ZNF143: variants seen among roughly 807,000 people sequenced by gnomAD.
ZNF143 encodes SPH-binding factor.
A neutral mutation model predicts 74.1 loss-of-function variants in ZNF143; 49 were observed. That is an observed-to-expected ratio of 0.66 (90% CI 0.53 to 0.84). The LOEUF is 0.84. Ranked by LOEUF, ZNF143 falls within the 40% of genes least tolerant of loss-of-function variation. The probability of loss-of-function intolerance (pLI) is 0.00; values close to 1 mark genes in which losing one functional copy is unlikely to be tolerated. For synonymous variants in ZNF143, 304 were observed against 282.8 expected (o/e 1.07, Z -0.75); for missense variants, 637 against 793.4 (o/e 0.80, Z 2.37).
In ZNF143 at chr11:9,516,233, T is replaced by C; in HGVS notation, c.1557T>C (p.Ile519=). 1 of 1,614,108 alleles carries C rather than the reference T, an allele frequency of 6.2e-7. No homozygotes were observed. Among genetic ancestry groups the C allele is most frequent in the East Asian group, 2.2e-5 (1 of 44,880 alleles). ...TATCTCAAGCTGACATGCAGGCCAT[T>C]GGCAACACCATCACAATGGTAACGC... is the stretch of plus-strand genomic sequence containing the variant. ...VNISQADMQA[I]GNTITMVTQD... is the part of the protein sequence containing the mutation. The change falls in exon 14 of 16, where the codon ATT becomes ATC. Residue 519 remains isoleucine (I), a synonymous_variant. Coordinates refer to ENST00000396602, the MANE Select transcript of ZNF143 (RefSeq NM_003442.6).
chr11:9,516,180 G>A (rs1390655495), intron 13 of ZNF143, 21 bp from the exon 14 acceptor site: 1 of 1,611,502 alleles, frequency 6.2e-7, no homozygotes, highest in Non-Finnish European at 8.5e-7. Flanking sequence ...TGACTGCTTT[G>A]TAAAATTCAC....
chr11:9,486,423 T>TATATA (rs1565039289), intron 7 of ZNF143, among the ~76,000 whole-genome samples: 2 of 38,082 alleles, frequency 5.3e-5, no homozygotes, highest in African/African-American at 1.8e-4. Context: ...ATATATATTA[T>TATATA]ATATATTATA....
rs1848466853 is a variant in ZNF143, at chr11:9,509,447, T to C, written c.1375+601T>C. On this transcript the variant is annotated intron_variant, in intron 12 of 15. Transcript: ENST00000396602. ...TTGTTTCAGTAAACCCTTGGAAAAA[T>C]ATTTTAGAGAATTACATTGAATTAT... Among the ~76,000 whole-genome samples the C allele has an allele frequency of 2.6e-5, 4 of 152,286 alleles. No individual in the cohort carries two copies. In the South Asian group the frequency reaches 8.3e-4, roughly 32 times the overall value.
At chr11:9,524,433 A>G (rs1177446480) in intron 14 of ZNF143, among the ~76,000 whole-genome samples, 1 of 152,194 alleles carries the variant, frequency 6.6e-6, no homozygotes, top group East Asian at 1.9e-4. Context: ...TGTTTTTCTT[A>G]TAGAATTAGG....
intron 7 of ZNF143, among the ~76,000 whole-genome samples, chr11:9,482,580 A>G (rs1847289353): frequency 6.6e-6 from 1 of 151,164 alleles, no homozygotes; most frequent in African/African-American, 2.5e-5. Context: ...AAAAAATCCC[A>G]TTACTCTTTA....
chr11:9,516,603 G>A lies in ZNF143; in HGVS notation c.1686+241G>A, dbSNP rs529316278. ...TGAGATAATGTATATAAGGTACTCA[G>A]CCCACATATATATTAAGTGTTCAGT... On this transcript the variant is annotated intron_variant, in intron 14 of 15. Coordinates refer to ENST00000396602, the MANE Select transcript of ZNF143 (RefSeq NM_003442.6). Among the ~76,000 whole-genome samples, 5 of 152,124 alleles carry A rather than the reference G, an allele frequency of 3.3e-5. No individual in the cohort carries two copies. The East Asian group carries it at 9.7e-4, about 29-fold the overall frequency.
chr11:9,504,062 C>T (rs1256093052), intron 11 of ZNF143, among the ~76,000 whole-genome samples: 1 of 141,868 alleles, frequency 7.0e-6, no homozygotes, highest in Non-Finnish European at 1.5e-5. Context: ...CACGTTCAAG[C>T]AATTCTTCTG....
At chr11:9,507,400 T>C (rs1438075371) in intron 11 of ZNF143, among the ~76,000 whole-genome samples, 1 of 152,196 alleles carries the variant, frequency 6.6e-6, no homozygotes, top group Non-Finnish European at 1.5e-5. Flanking sequence ...CCAGCAGCAT[T>C]TGAAATATTT....
intron 15 of ZNF143, among the ~76,000 whole-genome samples, chr11:9,526,937 C>T (rs945966897): frequency 1.3e-5 from 2 of 152,160 alleles, no homozygotes; most frequent in Non-Finnish European, 2.9e-5. Flanking sequence ...CCATTCTCCT[C>T]CCTCAGCCTC....
At chr11:9,511,687 C>A (rs1383330940) in intron 12 of ZNF143, among the ~76,000 whole-genome samples, 1 of 151,892 alleles carries the variant, frequency 6.6e-6, no homozygotes, top group South Asian at 2.1e-4. Context: ...ATCTGCCCAC[C>A]TTGGCTTCCC....
chr11:9,485,931 C>T (rs1847455725), intron 7 of ZNF143, among the ~76,000 whole-genome samples: 1 of 151,280 alleles, frequency 6.6e-6, no homozygotes, highest in African/African-American at 2.5e-5. Flanking sequence ...CTCAACCCTA[C>T]TGAGTCTCTC....
At chr11:9,469,209 A>AG in intron 1 of ZNF143, among the ~76,000 whole-genome samples, 1 of 135,102 alleles carries the variant, frequency 7.4e-6, no homozygotes, top group Non-Finnish European at 1.5e-5. Context: ...TATTCTCAGC[A>AG]GGGGTCTTTT....
At chr11:9,471,071 A>G (rs986154261) in intron 1 of ZNF143, 16 of 257,114 alleles carry the variant, frequency 6.2e-5, no homozygotes, top group Non-Finnish European at 9.5e-5. Flanking sequence ...GTGTACTTCT[A>G]AGTTGCTAAG....
At chr11:9,509,546 C>A (rs1250945334) in intron 12 of ZNF143, among the ~76,000 whole-genome samples, 1 of 152,166 alleles carries the variant, frequency 6.6e-6, no homozygotes, top group East Asian at 1.9e-4. Flanking sequence ...AGCAAGTTGT[C>A]TTACAGTTTC....
chr11:9,511,390 A>G (rs1369248919), intron 12 of ZNF143, among the ~76,000 whole-genome samples: 6 of 148,894 alleles, frequency 4.0e-5, no homozygotes, highest in Non-Finnish European at 5.9e-5. Context: ...TCCGCCTCCT[A>G]GGTTCACACC....
chr11:9,486,371 A>ATATAAT (rs1477531952), intron 7 of ZNF143, among the ~76,000 whole-genome samples: 1 of 36,720 alleles, frequency 2.7e-5, no homozygotes, highest in African/African-American at 1.3e-4. Flanking sequence ...TATTATATAT[A>ATATAAT]ATATATTATA....
At chr11:9,482,746 C>T (rs1847297911) in intron 7 of ZNF143, among the ~76,000 whole-genome samples, 1 of 150,870 alleles carries the variant, frequency 6.6e-6, no homozygotes. Flanking sequence ...AATACGGTTG[C>T]CACTAGCCAT....
chr11:9,483,684 T>C (rs1847342923), intron 7 of ZNF143, among the ~76,000 whole-genome samples: 1 of 150,732 alleles, frequency 6.6e-6, no homozygotes, highest in South Asian at 2.1e-4. Flanking sequence ...GTTCAAGTTA[T>C]CCTCCTGCCT....
chr11:9,526,570 C>T (rs965512352), intron 15 of ZNF143, among the ~76,000 whole-genome samples: 10 of 150,744 alleles, frequency 6.6e-5, no homozygotes, highest in African/African-American at 2.4e-4. Flanking sequence ...CATCTTTTGT[C>T]TCTTGCATGT....
Sources: gnomAD v4.1 joint callset for allele counts (sites outside exome capture counted in the v4.1 genomes callset) on GRCh38, gnomAD v4.1.1 for gene constraint, MANE v1.5 for transcripts, NCBI Gene and HGNC (gene_info 2026-07-23, HGNC 2026-07-21) for gene names.